The following PCLO variants were observed in gnomAD, a reference collection of about 807,000 sequenced individuals.
The protein encoded by PCLO is protein piccolo.
In PCLO, 82 loss-of-function variants were observed where a neutral mutation model predicts 427.5. The observed-to-expected ratio is 0.19, with a 90% CI of 0.16 to 0.23. PCLO has a LOEUF of 0.23. Among genes scored for constraint, PCLO ranks in the 10% least tolerant of loss-of-function variants. The probability of loss-of-function intolerance (pLI) is 1.00; values close to 1 mark genes in which losing one functional copy is unlikely to be tolerated. For missense variants in PCLO, 6,239 were observed against 6,115.9 expected, an observed-to-expected ratio of 1.02 and a Z score of -0.67; for synonymous variants, 2,357 against 2,155.4, an observed-to-expected ratio of 1.09 and a Z score of -2.59.
At chr7:82,836,858 C>T (rs1369572836) in intron 15 of PCLO, among the ~76,000 whole-genome samples, 2 of 152,046 alleles carry the variant, frequency 1.3e-5, no homozygotes, top group Non-Finnish European at 2.9e-5. Flanking sequence ...CCTGTTTAAA[C>T]AAACCAACTA....
intron 22 of PCLO, among the ~76,000 whole-genome samples, chr7:82,776,399 C>G (rs1220545506): frequency 6.6e-6 from 1 of 151,972 alleles, no homozygotes; most frequent in African/African-American, 2.4e-5. Context: ...TCCAGATCAT[C>G]CTGGCCAACA....
chr7:82,971,835 C>T (rs1795914469), intron 3 of PCLO, among the ~76,000 whole-genome samples: 1 of 150,648 alleles, frequency 6.6e-6, no homozygotes, highest in Non-Finnish European at 1.5e-5. Flanking sequence ...CTTAAGGAGG[C>T]TTTAAAAAAA....
chr7:82,863,616 A>C (rs1037113216), intron 10 of PCLO, among the ~76,000 whole-genome samples: 3 of 152,016 alleles, frequency 2.0e-5, no homozygotes, highest in Non-Finnish European at 4.4e-5. Flanking sequence ...TTTTCCATTG[A>C]AAAATAAGAA....
intron 6 of PCLO, among the ~76,000 whole-genome samples, chr7:82,939,190 C>T (rs1584184934): frequency 6.6e-6 from 1 of 152,100 alleles, no homozygotes; most frequent in African/African-American, 2.4e-5. Context: ...ATTTTAAATG[C>T]TGCAAAATGT....
chr7:83,036,303 G>T (rs1413252183), intron 3 of PCLO, among the ~76,000 whole-genome samples: 2 of 152,200 alleles, frequency 1.3e-5, no homozygotes, highest in Admixed American at 1.3e-4. Flanking sequence ...AGGTCTGGGT[G>T]GGGAAAGAGA....
chr7:82,998,471 T>C (rs937711090), intron 3 of PCLO, among the ~76,000 whole-genome samples: 5 of 151,746 alleles, frequency 3.3e-5, no homozygotes, highest in Admixed American at 1.3e-4. Flanking sequence ...GGGGTTTCAC[T>C]ACAGTCTAAC....
intron 3 of PCLO, among the ~76,000 whole-genome samples, chr7:83,054,135 A>G (rs1488322585): frequency 6.6e-6 from 1 of 152,038 alleles, no homozygotes; most frequent in African/African-American, 2.4e-5. Context: ...ATGATTCAGA[A>G]AGTATATAAA....
chr7:82,988,035 T>C (rs1390926794), intron 3 of PCLO, among the ~76,000 whole-genome samples: 6 of 152,136 alleles, frequency 3.9e-5, no homozygotes, highest in East Asian at 1.9e-4. Flanking sequence ...TGAATGAGTA[T>C]GGATATACTA....
At position 82,954,859 on chromosome 7, in the gene PCLO, T is replaced by A; in HGVS notation, c.6094A>T (p.Ser2032Cys). ...TGGCTTTCTGGGATGATAAAAGAGC[T>A]TGAAACAATATCTTCCTGAGGCACA... ...SVVPQEDIVS[S>C]SFIIPESHEI... Residue 2032 changes from serine (S) to cysteine (C), a missense_variant, in exon 5 of 25, where the codon AGC becomes TGC. Physicochemically the swap from Ser to Cys is moderately radical, Grantham distance 112 (BLOSUM62 -1). Around this residue, in one of 5 missense-constraint regions of PCLO, gnomAD observed 4,677 missense variants for 4,468.4 expected, o/e 1.05. Transcript: ENST00000333891. 2 of 1,613,966 alleles carry A rather than the reference T, an allele frequency of 1.2e-6. No homozygotes were observed. The highest frequency in any genetic ancestry group is 1.7e-6 in the Non-Finnish European group (2 of 1,179,870).
At chr7:82,944,526 C>T (rs1324384086) in intron 6 of PCLO, among the ~76,000 whole-genome samples, 10 of 151,856 alleles carry the variant, frequency 6.6e-5, no homozygotes, top group Non-Finnish European at 1.5e-4. Flanking sequence ...TAAAGAAGGC[C>T]ATAGAGATAG....
chr7:82,953,473 G>C lies in PCLO; in HGVS notation c.7480C>G (p.Pro2494Ala). 6.2e-7 allele frequency: 1 copy of C among 1,613,436 alleles called. No individual in the cohort carries two copies. Among genetic ancestry groups the C allele is most frequent in the African/African-American group, 1.3e-5 (1 of 74,874 alleles). ...PPVPPKPSSIPSGLVFTHRPE... is the reference protein window; with the variant it reads ...PPVPPKPSSIASGLVFTHRPE... ...CTGTGGGTAAATACAAGTCCAGATG[G>C]AATTGAAGATGGCTTAGGAGGAACA... Residue 2494 changes from proline to alanine, a missense_variant, in exon 5 of 25, where the codon CCA becomes GCA. This residue lies in a region of PCLO where 4,677 missense variants were observed against 4,468.4 expected (regional missense o/e 1.05). Transcript: ENST00000333891.
In PCLO at chr7:83,027,283, G is replaced by A. The variant is rs910686757; in HGVS notation, c.3301-60796C>T. ...AAATGAAAAAGGGGATATCACCACC[G>A]ATCCCACAGAAATACAAACTACCAT... On this transcript the variant is annotated intron_variant, in intron 3 of 24. Transcript: ENST00000333891. Among the ~76,000 whole-genome samples the A allele has an allele frequency of 3.8e-4, 57 of 150,846 alleles. No individual in the cohort carries two copies. In the South Asian group the frequency reaches 5.3e-3, roughly 14 times the overall value.
Position 82,967,084 on chromosome 7 carries a change from C to A in PCLO, c.3301-597G>T, listed in dbSNP as rs536667792. ...TATGAACATAATCTCATTCTTAATA[C>A]TAATCACATTACCTCATGCAGTTGA... On this transcript the variant is annotated intron_variant, in intron 3 of 24. Coordinates refer to ENST00000333891, the MANE Select transcript of PCLO (RefSeq NM_033026.6). Among the ~76,000 whole-genome samples the A allele has an allele frequency of 7.2e-5, 11 of 152,132 alleles. No homozygotes were observed. The South Asian group carries it at 2.3e-3, about 32-fold the overall frequency.
At chr7:82,829,752 CCA>C (rs1562805684) in intron 16 of PCLO, among the ~76,000 whole-genome samples, 1 of 151,934 alleles carries the variant, frequency 6.6e-6, no homozygotes, top group Non-Finnish European at 1.5e-5. Flanking sequence ...TCCACTTCTG[CCA>C]TAGAGAAATT....
intron 20 of PCLO, among the ~76,000 whole-genome samples, chr7:82,810,814 A>C (rs1246706000): frequency 6.6e-6 from 1 of 151,610 alleles, no homozygotes; most frequent in Non-Finnish European, 1.5e-5. Context: ...ACAGTACTTA[A>C]ATATGCAAAG....
intron 22 of PCLO, among the ~76,000 whole-genome samples, chr7:82,771,758 C>A (rs879677362): frequency 1.3e-5 from 2 of 151,664 alleles, no homozygotes; most frequent in Non-Finnish European, 2.9e-5. Context: ...TACTCCTAGG[C>A]GTGTATATAT....
intron 3 of PCLO, among the ~76,000 whole-genome samples, chr7:82,967,238 C>T (rs1199833737): frequency 1.5e-4 from 21 of 142,392 alleles, no homozygotes; most frequent in African/African-American, 4.7e-4. Flanking sequence ...TGCAATGGTG[C>T]GATCTCGGCT....
intron 6 of PCLO, among the ~76,000 whole-genome samples, chr7:82,940,629 T>C (rs1795059630): frequency 6.6e-6 from 1 of 152,056 alleles, no homozygotes; most frequent in African/African-American, 2.4e-5. Context: ...TCAAGAGTTA[T>C]TTATCATTCT....
At chr7:83,072,512 T>C (rs1204380086) in intron 3 of PCLO, among the ~76,000 whole-genome samples, 1 of 152,074 alleles carries the variant, frequency 6.6e-6, no homozygotes, top group African/African-American at 2.4e-5. Flanking sequence ...ATGTCTTCAA[T>C]TGTATGTAAG....
Sources: allele counts gnomAD v4.1 joint callset (sites outside exome capture counted in the v4.1 genomes callset), GRCh38; gene constraint gnomAD v4.1.1; regional missense constraint gnomAD v4.1.1; transcripts MANE v1.5; gene names NCBI Gene and HGNC (gene_info 2026-07-23, HGNC 2026-07-21).